TACR2: variants seen among roughly 807,000 people sequenced by gnomAD.
TACR2 encodes substance-K receptor.
Under a neutral mutation model 28.9 loss-of-function variants are expected in TACR2, and 24 were observed. That is an observed-to-expected ratio of 0.83 (90% confidence interval 0.60 to 1.17). The LOEUF (loss-of-function observed/expected upper bound fraction) is 1.17, where lower values mean the gene tolerates loss of function less well. TACR2 is among the 50% of genes most tolerant of loss of function. The probability of loss-of-function intolerance (pLI) is 0.00; values close to 1 mark genes in which losing one functional copy is unlikely to be tolerated. For synonymous variants in TACR2, 222 were observed against 212.6 expected, an observed-to-expected ratio of 1.04 and a Z score of -0.38; for missense variants, 487 against 524.4, an observed-to-expected ratio of 0.93 and a Z score of 0.70.
At chr10:69,406,547 T>C (rs936639509) in intron 4 of TACR2, among the ~76,000 whole-genome samples, 3 of 152,190 alleles carry the variant, frequency 2.0e-5, no homozygotes, top group East Asian at 3.9e-4. Flanking sequence ...CTGTGAGCTT[T>C]CCAGGGAGCA....
At chr10:69,413,175 T>C (rs1315902082) in intron 2 of TACR2, among the ~76,000 whole-genome samples, 1 of 152,140 alleles carries the variant, frequency 6.6e-6, no homozygotes, top group Non-Finnish European at 1.5e-5. Flanking sequence ...AGATTCCTAA[T>C]TACACACAGT....
rs747671477 is a variant in TACR2 at position 69,408,912 on chromosome 10, C to G, written c.741+10G>C. 5.2e-6 allele frequency: 7 copies of G among 1,353,638 alleles called. No individual in the cohort carries two copies. In the East Asian group the frequency reaches 1.9e-4, roughly 36 times the overall value. The allele number at this position is 1,353,638 out of a possible 1,614,324, so 83.9% of individuals were successfully genotyped here. ...CCCCGCCCCCTCCAGGCCCCCGCCCCCGCGCCCACCTTCTTCATGGCCTGC... is the reference window on the plus strand; with the variant it reads ...CCCCGCCCCCTCCAGGCCCCCGCCCGCGCGCCCACCTTCTTCATGGCCTGC... On this transcript the variant is annotated intron_variant, in intron 3 of 4. Transcript: ENST00000373306.
intron 2 of TACR2, among the ~76,000 whole-genome samples, chr10:69,413,080 C>T (rs1840582153): frequency 6.6e-6 from 1 of 152,178 alleles, no homozygotes; most frequent in Admixed American, 6.5e-5. Flanking sequence ...ATCTGCCCAC[C>T]TTGGCCTCCC....
At chr10:69,410,098 C>T (rs1258484564) in intron 2 of TACR2, among the ~76,000 whole-genome samples, 1 of 151,724 alleles carries the variant, frequency 6.6e-6, no homozygotes, top group Non-Finnish European at 1.5e-5. Context: ...CTGGGAACCT[C>T]GTTTGTGTCA....
chr10:69,413,825 A>T (rs1436087081), intron 2 of TACR2, among the ~76,000 whole-genome samples: 1 of 152,166 alleles, frequency 6.6e-6, no homozygotes, highest in Non-Finnish European at 1.5e-5. Context: ...GTGTGTTTTC[A>T]TGTGTCCCCT....
In TACR2 at chr10:69,414,962, C is replaced by T. The variant is rs1840599609; in HGVS notation, c.570G>A (p.Gly190=). 6.2e-7 allele frequency: 1 copy of T among 1,612,460 alleles called. No individual in the cohort carries two copies. The change falls in exon 2 of 5, where the codon GGG becomes GGA. Residue 190 remains glycine (G), a synonymous_variant. Transcript: ENST00000373306. ...KCVVAWPEDS[G]GKTLLLYHLV... ...GGCCTTACAGGAGGAGCGTCTTGCCCCCGCTGTCTTCGGGCCAGGCCACCA... is the reference window on the plus strand; with the variant it reads ...GGCCTTACAGGAGGAGCGTCTTGCCTCCGCTGTCTTCGGGCCAGGCCACCA...
chr10:69,412,426 G>A (rs10823366), intron 2 of TACR2, among the ~76,000 whole-genome samples: 27,160 of 152,070 alleles, frequency 0.18, 2,868 homozygotes, highest in Non-Finnish European at 0.24. Flanking sequence ...GGGAGGAGGG[G>A]CAACGAGGGC....
rs988719658 is a variant in TACR2, at chr10:69,415,083, G to T, written c.449C>A (p.Ala150Glu). The T allele has an allele frequency of 1.9e-6, 3 of 1,613,284 alleles. No homozygotes were observed. The African/African-American group carries it at 4.0e-5, about 22-fold the overall frequency. Residue 150 changes from alanine to glutamate, a missense_variant, in exon 2 of 5, where the codon GCG (alanine) becomes GAG (glutamate). Ala to Glu is a moderately radical substitution (Grantham distance 107). Coordinates refer to ENST00000373306, the MANE Select transcript of TACR2 (RefSeq NM_001057.3). ...QPRLSAPSTKAVIAGIWLVAL... is the reference protein window; with the variant it reads ...QPRLSAPSTKEVIAGIWLVAL... ...CACCAGCCAGATGCCAGCAATAACC[G>T]CCTTGGTGCTGGGAGCTGAAAGCCG... is the stretch of plus-strand genomic sequence containing the variant.
intron 2 of TACR2, chr10:69,409,316 A>G (rs1840539286): frequency 5.2e-6 from 2 of 383,022 alleles, no homozygotes; most frequent in Non-Finnish European, 9.3e-6. Flanking sequence ...CTTCCATATC[A>G]CATCCTTCCA....
chr10:69,407,404 T>C (rs1282973020), intron 3 of TACR2, 124 bp from the exon 4 acceptor site: 2 of 925,754 alleles, frequency 2.2e-6, no homozygotes, highest in Non-Finnish European at 1.6e-6. Flanking sequence ...CCCCGTTAGC[T>C]CTATTACTCA....
chr10:69,408,904 C>G lies in TACR2; in HGVS notation c.741+18G>C. 1 of 1,292,862 alleles carries G rather than the reference C, an allele frequency of 7.7e-7. No homozygotes were observed. Among genetic ancestry groups the G allele is most frequent in the Non-Finnish European group, 1.0e-6 (1 of 1,002,310 alleles). The allele number at this position is 1,292,862 out of a possible 1,614,324, so 80.1% of individuals were successfully genotyped here. ...CCTCCAGGCCCCGCCCCCTCCAGGC[C>G]CCCGCCCCCGCGCCCACCTTCTTCA... On this transcript the variant is annotated intron_variant, in intron 3 of 4. Coordinates refer to ENST00000373306, the MANE Select transcript of TACR2 (RefSeq NM_001057.3).
intron 2 of TACR2, among the ~76,000 whole-genome samples, chr10:69,411,334 CCTT>C (rs1341915753): frequency 1.3e-5 from 2 of 152,216 alleles, no homozygotes; most frequent in Non-Finnish European, 2.9e-5. Flanking sequence ...CTTAAGCTGT[CCTT>C]GTTCATGCCT....
rs753616508 is a variant in TACR2 at position 69,412,011 on chromosome 10, T to C, written c.587+2934A>G. On this transcript the variant is annotated intron_variant, in intron 2 of 4. Transcript: ENST00000373306. The stretch of plus-strand genomic sequence containing the variant: ...CACGCCCTACTAATTTTTGTATTTT[T>C]AGTAGAGACAGGGTTTTACCATGTT... Among the ~76,000 whole-genome samples, 9 of 152,292 alleles carry C rather than the reference T, an allele frequency of 5.9e-5. No homozygotes were observed. In the Middle Eastern group the frequency reaches 0.014, roughly 230 times the overall value.
rs41279666 is a variant in TACR2, at chr10:69,404,013, C to A, written c.*813G>T. ...TGTCCAGAGCTGAGTAGTTCTTGTC[C>A]CCTTTGAATGCCTGTCCTCTCCAGG... On this transcript the variant is annotated 3_prime_UTR_variant, in exon 5 of 5. Transcript: ENST00000373306. 6.6e-6 allele frequency: 1 copy of A among 152,130 alleles called. No homozygotes were observed. The highest frequency in any genetic ancestry group is 2.4e-5 in the African/African-American group (1 of 41,406). 9.4% of individuals were successfully genotyped at this position (152,130 alleles called of 1,614,324 possible).
chr10:69,408,350 A>C (rs569857511), intron 3 of TACR2, among the ~76,000 whole-genome samples: 1 of 152,330 alleles, frequency 6.6e-6, no homozygotes, highest in Middle Eastern at 3.4e-3. Context: ...TGATTATTCA[A>C]AAAGTCTAAG....
chr10:69,405,202 A>G (rs1564579501), intron 4 of TACR2, 118 bp from the exon 5 acceptor site: 1 of 815,766 alleles, frequency 1.2e-6, no homozygotes, highest in East Asian at 2.7e-5. Flanking sequence ...TCTCTCTCCA[A>G]GAGCCTCCCA....
intron 2 of TACR2, among the ~76,000 whole-genome samples, chr10:69,409,902 T>TATATAC (rs1353954244): frequency 8.4e-5 from 1 of 11,928 alleles, no homozygotes; most frequent in Admixed American, 8.5e-4. Flanking sequence ...TATATATATA[T>TATATAC]ACATATATAT....
At chr10:69,413,706 T>TGGAGGAGAGGTGTGTTGC (rs1269286973) in intron 2 of TACR2, among the ~76,000 whole-genome samples, 14 of 152,194 alleles carry the variant, frequency 9.2e-5, no homozygotes, top group Non-Finnish European at 2.1e-4. Context: ...GGGAGGATGT[T>TGGAGGAGAGGTGTGTTGC]GGAGGAGAGG....
At chr10:69,405,316 C>A (rs1243725532) in intron 4 of TACR2, among the ~76,000 whole-genome samples, 1 of 152,142 alleles carries the variant, frequency 6.6e-6, no homozygotes, top group African/African-American at 2.4e-5. Context: ...GGTGACTAAG[C>A]TGATTTAGGT....
Sources: gnomAD v4.1 joint callset for allele counts (sites outside exome capture counted in the v4.1 genomes callset) on GRCh38, gnomAD v4.1.1 for gene constraint, MANE v1.5 for transcripts, NCBI Gene and HGNC (gene_info 2026-07-23, HGNC 2026-07-21) for gene names.